Variants in SP140L observed in about 807,000 individuals in gnomAD.
SP140L encodes the protein SP140 like nuclear body protein.
SP140L carries 64 observed loss-of-function variants against 84.3 expected under a neutral mutation model. The ratio of observed to expected loss-of-function variants is 0.76; its 90% CI spans 0.62 to 0.94. The LOEUF is 0.94. Ranked by LOEUF, SP140L falls within the 40% of genes least tolerant of loss-of-function variation. SP140L has a pLI of 0.00. For missense variants in SP140L, 628 were observed against 692.5 expected (o/e 0.91, Z 1.05); for synonymous variants, 242 against 236.9 (o/e 1.02, Z -0.20).
intron 12 of SP140L, among the ~76,000 whole-genome samples, chr2:230,393,077 C>T (rs2061892784): frequency 6.6e-6 from 1 of 152,102 alleles, no homozygotes; most frequent in Non-Finnish European, 1.5e-5. Flanking sequence ...GTGTGTGCTG[C>T]TTGGATAGCT....
intron 9 of SP140L, among the ~76,000 whole-genome samples, chr2:230,386,846 G>C (rs961849404): frequency 6.6e-6 from 1 of 152,194 alleles, no homozygotes; most frequent in East Asian, 1.9e-4. Flanking sequence ...CTCTGTATTA[G>C]CTGGACTGTT....
intron 9 of SP140L, among the ~76,000 whole-genome samples, chr2:230,387,767 G>A (rs558064596): frequency 4.9e-4 from 74 of 152,280 alleles, no homozygotes; most frequent in African/African-American, 1.6e-3. Flanking sequence ...GGAGAACGTC[G>A]TCGGCTGCAG....
At position 230,400,253 on chromosome 2, in the gene SP140L, T is replaced by G. The variant is rs1330786107; in HGVS notation, c.1313+11T>G. On this transcript the variant is annotated intron_variant, in intron 15 of 18. Coordinates refer to ENST00000415673, the MANE Select transcript of SP140L (RefSeq NM_138402.6). The stretch of plus-strand genomic sequence containing the variant: ...TGTGGAAAGTGAGAAGTAAGTGACA[T>G]GCAGGCACCTCTCTTTCATCCTTTA... 1.2e-6 allele frequency: 2 copies of G among 1,613,070 alleles called. No individual in the cohort carries two copies. Among genetic ancestry groups the G allele is most frequent in the South Asian group, 1.1e-5 (1 of 91,058 alleles).
chr2:230,334,703 T>C (rs1351923951), intron 2 of SP140L, among the ~76,000 whole-genome samples: 4 of 149,304 alleles, frequency 2.7e-5, no homozygotes, highest in African/African-American at 5.0e-5. Context: ...TTGAGGGTGA[T>C]TAAAATTATA....
At chr2:230,334,961 A>T (rs2059827128) in intron 2 of SP140L, among the ~76,000 whole-genome samples, 1 of 152,006 alleles carries the variant, frequency 6.6e-6, no homozygotes, top group African/African-American at 2.4e-5. Context: ...AGATTCTCTT[A>T]TTTATTGGTA....
At chr2:230,373,867 G>A (rs1365947558) in intron 7 of SP140L, among the ~76,000 whole-genome samples, 5 of 152,166 alleles carry the variant, frequency 3.3e-5, no homozygotes, top group East Asian at 1.9e-4. Context: ...TTCACATTGC[G>A]ATTAAGAACA....
intron 2 of SP140L, among the ~76,000 whole-genome samples, chr2:230,339,244 A>G (rs2059963839): frequency 6.6e-6 from 1 of 152,042 alleles, no homozygotes; most frequent in Non-Finnish European, 1.5e-5. Context: ...TGTGTCCAGG[A>G]ATTTATCCAT....
At chr2:230,331,682 T>C (rs2059728522) in intron 2 of SP140L, among the ~76,000 whole-genome samples, 1 of 152,226 alleles carries the variant, frequency 6.6e-6, no homozygotes, top group Non-Finnish European at 1.5e-5. Flanking sequence ...TGAGTCCTTA[T>C]TGGGTCACTT....
chr2:230,398,996 G>A (rs1002774301), intron 14 of SP140L, among the ~76,000 whole-genome samples: 19 of 152,346 alleles, frequency 1.2e-4, no homozygotes, highest in Middle Eastern at 3.4e-3. Flanking sequence ...CAGAGCCGGC[G>A]GAGGACTTGT....
intron 13 of SP140L, among the ~76,000 whole-genome samples, 200 bp downstream of exon 13, chr2:230,393,661 G>T (rs914766736): frequency 6.6e-5 from 10 of 152,156 alleles, no homozygotes; most frequent in African/African-American, 1.4e-4. Context: ...GGTCCTCTTT[G>T]GATTAAACCG....
intron 13 of SP140L, among the ~76,000 whole-genome samples, chr2:230,394,139 A>T (rs1373397789): frequency 6.6e-6 from 1 of 152,158 alleles, no homozygotes; most frequent in Non-Finnish European, 1.5e-5. Flanking sequence ...AAAATCTTTT[A>T]TGTTGATGCC....
chr2:230,373,568 G>T (rs1027039917), intron 7 of SP140L, among the ~76,000 whole-genome samples: 1 of 152,102 alleles, frequency 6.6e-6, no homozygotes, highest in African/African-American at 2.4e-5. Context: ...CCACCATTGA[G>T]ACATATTCCT....
chr2:230,377,945 C>T (rs746605848), intron 7 of SP140L, among the ~76,000 whole-genome samples: 16 of 151,992 alleles, frequency 1.1e-4, no homozygotes, highest in Non-Finnish European at 1.6e-4. Flanking sequence ...TTGGTGTTAG[C>T]GCTTATTGAG....
chr2:230,351,683 G>C (rs2060368418), intron 2 of SP140L, among the ~76,000 whole-genome samples: 1 of 151,986 alleles, frequency 6.6e-6, no homozygotes, highest in African/African-American at 2.4e-5. Context: ...GAGTCTCACT[G>C]TCACCCAGCC....
chr2:230,352,413 C>T (rs1267263708), intron 2 of SP140L, among the ~76,000 whole-genome samples: 1 of 152,100 alleles, frequency 6.6e-6, no homozygotes, highest in Non-Finnish European at 1.5e-5. Context: ...GAAGCAGGCA[C>T]CTCTTCACAA....
chr2:230,360,802 G>A lies in SP140L; in HGVS notation c.440-812G>A, dbSNP rs570861185. ...ACAGCAGCCTACCCACCTTCAGGGA[G>A]ATGCTGAAGTCCACACAGGCTGCCC... On this transcript the variant is annotated intron_variant, in intron 4 of 18. Transcript: ENST00000415673. Among the ~76,000 whole-genome samples the A allele has an allele frequency of 9.8e-5, 15 of 152,320 alleles. No homozygotes were observed. In the South Asian group the frequency reaches 2.9e-3, roughly 29 times the overall value.
intron 11 of SP140L, chr2:230,391,857 C>A: frequency 2.1e-6 from 1 of 475,688 alleles, no homozygotes; most frequent in Non-Finnish European, 3.8e-6. Flanking sequence ...ATAACCATCA[C>A]TCTCCTCATG....
rs1446317577 is a variant in SP140L, at chr2:230,357,791, TC to T, written c.108-12del. On this transcript the variant is annotated splice_polypyrimidine_tract_variant and intron_variant, in intron 2 of 18. Coordinates refer to ENST00000415673, the MANE Select transcript of SP140L (RefSeq NM_138402.6). Reference sequence around the variant, plus strand: ...TCTTGATGACCATTTTCATTTGGTGTCCTTTTTCCTTAGGCTGTTCACGGAA... The same window carrying T: ...TCTTGATGACCATTTTCATTTGGTGTCTTTTTCCTTAGGCTGTTCACGGAA... 1.3e-6 allele frequency: 2 copies of T among 1,589,348 alleles called. No homozygotes were observed. The highest frequency in any genetic ancestry group is 2.3e-5 in the South Asian group (2 of 87,120).
At chr2:230,337,264 A>C (rs1463848295) in intron 2 of SP140L, among the ~76,000 whole-genome samples, 1 of 151,778 alleles carries the variant, frequency 6.6e-6, no homozygotes, top group Non-Finnish European at 1.5e-5. Flanking sequence ...GCATTTTTTC[A>C]TGTGTCTTTT....
Sources: gnomAD v4.1 joint callset for allele counts (sites outside exome capture counted in the v4.1 genomes callset) on GRCh38, gnomAD v4.1.1 for gene constraint, MANE v1.5 for transcripts, NCBI Gene and HGNC (gene_info 2026-07-23, HGNC 2026-07-21) for gene names.